RORA: variants seen among roughly 807,000 people sequenced by gnomAD.
RORA encodes the protein RAR related orphan receptor A, also known as nuclear receptor ROR-alpha.
Under a neutral mutation model 69.5 loss-of-function variants are expected in RORA, and 7 were observed. That is an observed-to-expected ratio of 0.10 (90% CI 0.06 to 0.19). The LOEUF (loss-of-function observed/expected upper bound fraction) is 0.19, where lower values mean the gene tolerates loss of function less well. RORA is among the 10% of genes least tolerant of loss of function. The pLI, the probability that RORA is intolerant of heterozygous loss-of-function variation, is 1.00. For missense variants in RORA, 457 were observed against 663.0 expected, an observed-to-expected ratio of 0.69 and a Z score of 3.41; for synonymous variants, 261 against 240.8, an observed-to-expected ratio of 1.08 and a Z score of -0.78.
chr15:60,989,706 T>C (rs889451068), intron 1 of RORA, among the ~76,000 whole-genome samples: 4 of 152,214 alleles, frequency 2.6e-5, no homozygotes, highest in Admixed American at 2.6e-4. Flanking sequence ...ACCACTTTTT[T>C]TACTTTTGTT....
chr15:60,561,082 G>GTTTTTTTTTTTT (rs571970599), intron 2 of RORA, among the ~76,000 whole-genome samples: 7 of 122,050 alleles, frequency 5.7e-5, no homozygotes, highest in African/African-American at 1.5e-4. Flanking sequence ...TTTTGTTTTT[G>GTTTTTTTTTTTT]TTTTTTTTTT....
At chr15:60,680,911 T>C (rs1212314686) in intron 1 of RORA, among the ~76,000 whole-genome samples, 1 of 152,206 alleles carries the variant, frequency 6.6e-6, no homozygotes, top group Non-Finnish European at 1.5e-5. Flanking sequence ...AAGAGCAATA[T>C]TTGTTAAAAT....
intron 1 of RORA, among the ~76,000 whole-genome samples, chr15:60,696,599 C>T (rs2070909931): frequency 6.6e-6 from 1 of 152,128 alleles, no homozygotes; most frequent in African/African-American, 2.4e-5. Context: ...GTCTACATGG[C>T]TCATATTCCT....
chr15:60,867,897 C>G (rs2073508302), intron 1 of RORA, among the ~76,000 whole-genome samples: 1 of 152,074 alleles, frequency 6.6e-6, no homozygotes, highest in African/African-American at 2.4e-5. Context: ...TGCACTCTTT[C>G]TTGTTCTATA....
At chr15:60,614,862 C>T in intron 2 of RORA, 1 of 1,584,100 alleles carries the variant, frequency 6.3e-7, no homozygotes, top group Non-Finnish European at 8.7e-7. Context: ...CATATAGCTG[C>T]CTGGAGCATA....
intron 1 of RORA, among the ~76,000 whole-genome samples, chr15:61,060,931 G>A (rs376959152): frequency 2.6e-5 from 4 of 152,178 alleles, no homozygotes; most frequent in African/African-American, 9.7e-5. Context: ...GGCAGCGTGC[G>A]GCCGATGGGC....
chr15:60,505,801 AAGG>A (rs2065481468), intron 5 of RORA, among the ~76,000 whole-genome samples, 172 bp from the exon 6 acceptor site: 1 of 152,214 alleles, frequency 6.6e-6, no homozygotes, highest in African/African-American at 2.4e-5. Context: ...TGGGAACGTG[AAGG>A]AGGACAGGGA....
rs150357359 is a variant in RORA at position 60,993,706 on chromosome 15, T to C, written c.166+235347A>G. On this transcript the variant is annotated intron_variant, in intron 1 of 10. Transcript: ENST00000335670. ...CTTAAATGTTGTAGATACATTGTTA[T>C]GATCAGTACCGCATTTAATTCTCAT... Among the ~76,000 whole-genome samples, 637 of 151,244 alleles carry C rather than the reference T, an allele frequency of 4.2e-3. 9 individuals carry two copies. Among genetic ancestry groups the C allele is most frequent in the African/African-American group, 0.015 (610 of 41,148 alleles).
chr15:60,817,988 C>T (rs1488047038), intron 1 of RORA, among the ~76,000 whole-genome samples: 18 of 152,142 alleles, frequency 1.2e-4, no homozygotes. Flanking sequence ...TCCTTCCCTA[C>T]CCTCTTTTAT....
chr15:60,965,624 AG>A (rs1893534214), intron 1 of RORA, among the ~76,000 whole-genome samples: 1 of 152,230 alleles, frequency 6.6e-6, no homozygotes, highest in Non-Finnish European at 1.5e-5. Flanking sequence ...CATGACATCA[AG>A]GGGAATGAGT....
intron 2 of RORA, chr15:60,592,439 G>A: frequency 7.0e-7 from 1 of 1,419,038 alleles, no homozygotes; most frequent in Non-Finnish European, 9.3e-7. Flanking sequence ...TGCGGAGAGC[G>A]CAGGGAGAGC....
intron 1 of RORA, among the ~76,000 whole-genome samples, chr15:61,073,003 T>C (rs1036104445): frequency 1.2e-4 from 18 of 152,226 alleles, no homozygotes; most frequent in African/African-American, 4.3e-4. Context: ...TAAGGTAGTT[T>C]TGCACCAAAA....
intron 2 of RORA, among the ~76,000 whole-genome samples, chr15:60,560,652 G>A (rs2067512056): frequency 6.6e-6 from 1 of 152,238 alleles, no homozygotes; most frequent in Non-Finnish European, 1.5e-5. Flanking sequence ...GCTGCAGTAA[G>A]CTGTGGCAAC....
intron 1 of RORA, among the ~76,000 whole-genome samples, chr15:60,859,990 A>C (rs1346087121): frequency 6.6e-6 from 1 of 152,124 alleles, no homozygotes; most frequent in African/African-American, 2.4e-5. Flanking sequence ...TGCTGCTTTC[A>C]AAGAAACCAC....
chr15:60,523,052 A>AAAAAAAAACCACAC lies in RORA; in HGVS notation c.283-8296_283-8295insGTGTGGTTTTTTTT, dbSNP rs1555426067. ...GACTCTGCCTCAAAAAAAAAACACA[A>AAAAAAAAACCACAC]AAAAAAAAACTGATGAAAATTATAA... On this transcript the variant is annotated intron_variant, in intron 3 of 10. Coordinates refer to ENST00000335670, the MANE Select transcript of RORA (RefSeq NM_134261.3). 2.7e-5 allele frequency among the ~76,000 whole-genome samples: 4 copies of AAAAAAAAACCACAC among 148,732 alleles called. No homozygotes were observed. The South Asian group carries it at 8.4e-4, about 31-fold the overall frequency.
At chr15:60,632,558 T>C (rs988218394) in intron 2 of RORA, among the ~76,000 whole-genome samples, 1 of 152,244 alleles carries the variant, frequency 6.6e-6, no homozygotes, top group Non-Finnish European at 1.5e-5. Context: ...CTTTTATTCA[T>C]TGTTCATCGA....
chr15:60,860,570 C>T (rs1174992623), intron 1 of RORA, among the ~76,000 whole-genome samples: 1 of 152,176 alleles, frequency 6.6e-6, no homozygotes, highest in African/African-American at 2.4e-5. Context: ...CTATATAAAA[C>T]ATCAACCCAC....
At chr15:60,903,090 G>A (rs1488035835) in intron 1 of RORA, among the ~76,000 whole-genome samples, 1 of 152,184 alleles carries the variant, frequency 6.6e-6, no homozygotes, top group African/African-American at 2.4e-5. Context: ...TTCTGGCTGA[G>A]TCTATTAGCT....
At chr15:60,672,809 G>A (rs1398923180) in intron 2 of RORA, among the ~76,000 whole-genome samples, 1 of 152,236 alleles carries the variant, frequency 6.6e-6, no homozygotes, top group Non-Finnish European at 1.5e-5. Context: ...TGCTTGGTAG[G>A]TGGTGTTCCT....
Sources: gnomAD v4.1 joint callset for allele counts (sites outside exome capture counted in the v4.1 genomes callset) on GRCh38, gnomAD v4.1.1 for gene constraint, MANE v1.5 for transcripts, NCBI Gene and HGNC (gene_info 2026-07-23, HGNC 2026-07-21) for gene names.